Variants in VWA5B1 observed in about 807,000 individuals in gnomAD.
The protein encoded by VWA5B1 is von Willebrand factor A domain-containing protein 5B1.
VWA5B1 carries 115 observed loss-of-function variants against 118.2 expected under a neutral mutation model. The ratio of observed to expected loss-of-function variants is 0.97; its 90% confidence interval spans 0.84 to 1.14. VWA5B1 has a LOEUF of 1.14. Ranked by LOEUF, VWA5B1 falls within the 50% of genes most tolerant of loss-of-function variation. VWA5B1 has a pLI of 0.00. For missense variants in VWA5B1, 1,596 were observed against 1,603.8 expected (o/e 1.00, Z 0.08); for synonymous variants, 682 against 658.4 (o/e 1.04, Z -0.55).
rs772139908 is a variant in VWA5B1 at position 20,330,858 on chromosome 1, CTTT to C, written c.1458-10_1458-8del. 3.4e-5 allele frequency: 52 copies of C among 1,551,218 alleles called. No individual in the cohort carries two copies. In the African/African-American group the frequency reaches 6.2e-4, roughly 18 times the overall value. On this transcript the variant is annotated splice_polypyrimidine_tract_variant and splice_region_variant and intron_variant, in intron 10 of 21. Transcript: ENST00000289815. ...TAAGACATAGCAGCCTCTCTTCTCC[CTTT>C]CCGCCAGGTGCTATAGCTTTGGAAT... is the stretch of plus-strand genomic sequence containing the variant.
chr1:20,308,774 C>G (rs529527269), intron 1 of VWA5B1, among the ~76,000 whole-genome samples: 1 of 152,110 alleles, frequency 6.6e-6, no homozygotes, highest in Non-Finnish European at 1.5e-5. Context: ...GCTGGCCTGG[C>G]GGGGTGCCGG....
At position 20,314,578 on chromosome 1, in the gene VWA5B1, C is replaced by G; in HGVS notation, c.549C>G (p.Asn183Lys). The change falls in exon 4 of 22, where the codon AAC becomes AAG. Residue 183 changes from asparagine to lysine, a missense_variant. Coordinates refer to ENST00000289815, the MANE Select transcript of VWA5B1 (RefSeq NM_001039500.3). ...QFCTKSTGTS[N>K]QQAQGKDRHC... ...GCACCAAGAGCACTGGCACCTCCAACCAACAGGCCCAGGGGTAAGGAAGCC... is the reference window on the plus strand; with the variant it reads ...GCACCAAGAGCACTGGCACCTCCAAGCAACAGGCCCAGGGGTAAGGAAGCC... 1 of 1,551,442 alleles carries G rather than the reference C, an allele frequency of 6.4e-7. No individual in the cohort carries two copies. The highest frequency in any genetic ancestry group is 8.7e-7 in the Non-Finnish European group (1 of 1,146,968).
In VWA5B1 at chr1:20,354,313, G is replaced by A. The variant is rs1365310035; in HGVS notation, c.*50G>A. 6.7e-7 allele frequency: 1 copy of A among 1,490,604 alleles called. No homozygotes were observed. The highest frequency in any genetic ancestry group is 9.0e-7 in the Non-Finnish European group (1 of 1,112,776). The allele number at this position is 1,490,604 out of a possible 1,614,324, so 92.3% of individuals were successfully genotyped here. A position where few individuals can be genotyped will look rare whatever the true frequency, so the allele number is the denominator to read the frequency against. ...AGGGAAGGGTGGGGAGGAGAGGGAT[G>A]GGCAGGGCCATGTCGGCCTGGTTTC... On this transcript the variant is annotated 3_prime_UTR_variant, in exon 22 of 22. Coordinates refer to ENST00000289815, the MANE Select transcript of VWA5B1 (RefSeq NM_001039500.3).
rs182617737 is a variant in VWA5B1, at chr1:20,312,843, C to T, written c.147C>T (p.Phe49=). The change falls in exon 3 of 22, where the codon TTC becomes TTT. Residue 49 remains phenylalanine (F), a synonymous_variant. Transcript: ENST00000289815. ...TGGGCCCTGCTCCGACAGGCCTCTT[C>T]GTGTACCCCCTGGATGAGTGCACCA... ...NLEAQPFQGL[F]VYPLDECTTV... The T allele has an allele frequency of 3.4e-4, 523 of 1,549,332 alleles. 2 individuals are homozygous for T. In the East Asian group the frequency reaches 3.6e-3, roughly 11 times the overall value.
chr1:20,324,277 G>A (rs2089309500), intron 8 of VWA5B1, among the ~76,000 whole-genome samples: 1 of 152,208 alleles, frequency 6.6e-6, no homozygotes, highest in African/African-American at 2.4e-5. Context: ...ATACATGGGA[G>A]CTTGGTCTCC....
At chr1:20,350,647 C>A (rs753375612) in intron 19 of VWA5B1, among the ~76,000 whole-genome samples, 1 of 152,200 alleles carries the variant, frequency 6.6e-6, no homozygotes, top group Non-Finnish European at 1.5e-5. Context: ...GCCAAGGAAT[C>A]TTAGAGGCCA....
chr1:20,312,833 CA>C lies in VWA5B1; in HGVS notation c.140-2del, dbSNP rs1557836876. 3.2e-6 allele frequency: 5 copies of C among 1,547,976 alleles called. No individual in the cohort carries two copies. The highest frequency in any genetic ancestry group is 2.0e-5 in the Admixed American group (1 of 50,862). On this transcript the variant is annotated splice_acceptor_variant, in intron 2 of 21. Transcript: ENST00000289815. LOFTEE classifies it high-confidence loss of function. ...CCCGTGATGCTGGGCCCTGCTCCGA[CA>C]GGCCTCTTCGTGTACCCCCTGGATG...
chr1:20,343,333 G>C lies in VWA5B1; in HGVS notation c.2566G>C (p.Ala856Pro). ...LWSETFHHLA[A>P]RAIIRDFEQL... ...GAGCGAGACCTTCCACCACCTGGCGGCCCGCGCCATCATCCGCGACTTCGA... is the reference window on the plus strand; with the variant it reads ...GAGCGAGACCTTCCACCACCTGGCGCCCCGCGCCATCATCCGCGACTTCGA... The change falls in exon 16 of 22, where the codon GCC (alanine) becomes CCC (proline). Residue 856 changes from alanine (A) to proline (P), a missense_variant. By Grantham distance (27) the Ala-to-Pro change is conservative. Coordinates refer to ENST00000289815, the MANE Select transcript of VWA5B1 (RefSeq NM_001039500.3). 6.5e-7 allele frequency: 1 copy of C among 1,542,980 alleles called. No individual in the cohort carries two copies. Among genetic ancestry groups the C allele is most frequent in the Non-Finnish European group, 8.7e-7 (1 of 1,145,198 alleles).
rs1442139713 is a variant in VWA5B1, at chr1:20,350,142, C to T, written c.2879-14C>T. On this transcript the variant is annotated splice_polypyrimidine_tract_variant and intron_variant, in intron 18 of 21. Coordinates refer to ENST00000289815, the MANE Select transcript of VWA5B1 (RefSeq NM_001039500.3). ...GAGGGGAGAGGTCCAGCCTCACTGG[C>T]TCCTCTGTCCTAGACATGGAGGCAA... is the stretch of plus-strand genomic sequence containing the variant. 5 of 1,550,744 alleles carry T rather than the reference C, an allele frequency of 3.2e-6. No homozygotes were observed. Among genetic ancestry groups the T allele is most frequent in the Non-Finnish European group, 4.4e-6 (5 of 1,146,542 alleles).
chr1:20,353,556 G>A (rs1156895643), intron 21 of VWA5B1, among the ~76,000 whole-genome samples: 1 of 152,152 alleles, frequency 6.6e-6, no homozygotes, highest in Admixed American at 6.5e-5. Flanking sequence ...ATGGAGTGAA[G>A]ATGTTGACTT....
Position 20,358,033 on chromosome 1 carries a change from G to A in VWA5B1, c.*3770G>A, listed in dbSNP as rs150949743. Among the ~76,000 whole-genome samples the A allele has an allele frequency of 3.3e-4, 51 of 152,280 alleles. No individual in the cohort carries two copies. The highest frequency in any genetic ancestry group is 1.2e-3 in the African/African-American group (51 of 41,540). On this transcript the variant is annotated 3_prime_UTR_variant, in exon 22 of 22. Transcript: ENST00000289815. ...GCTCGAGACCAACTCCAGATGCCAG[G>A]ATAACTGGGCCCCATCCTTTGGCAG...
chr1:20,342,652 G>T, intron 15 of VWA5B1, 43 bp downstream of exon 15: 1 of 1,441,346 alleles, frequency 6.9e-7, no homozygotes, highest in South Asian at 1.5e-5. Flanking sequence ...GGACAGGGAG[G>T]AATCACTGGC....
intron 8 of VWA5B1, among the ~76,000 whole-genome samples, chr1:20,326,270 AG>A: frequency 6.6e-6 from 1 of 152,128 alleles, no homozygotes; most frequent in Middle Eastern, 3.4e-3. Flanking sequence ...GTGGTGTAAA[AG>A]GTGCCAGAAT....
At chr1:20,334,953 G>A (rs1423728058) in intron 12 of VWA5B1, among the ~76,000 whole-genome samples, 2 of 152,148 alleles carry the variant, frequency 1.3e-5, no homozygotes, top group East Asian at 1.9e-4. Context: ...AAAAATAAAT[G>A]GCCACAAACT....
In VWA5B1 at chr1:20,350,193, C is replaced by T. The variant is rs571901458; in HGVS notation, c.2916C>T (p.Ala972=). The change falls in exon 19 of 22, where the codon GCC becomes GCT. Residue 972 remains alanine, a synonymous_variant. Coordinates refer to ENST00000289815, the MANE Select transcript of VWA5B1 (RefSeq NM_001039500.3). ...GTCCCACTGCTCTCTTCAGCGAGGC[C>T]AGGTCCCCCGGCCGCGAGAAGCACG... The part of the protein sequence containing the change: ...EASPTALFSE[A]RSPGREKHGA... 3.9e-6 allele frequency: 6 copies of T among 1,551,194 alleles called. No individual in the cohort carries two copies. In the South Asian group the frequency reaches 7.1e-5, roughly 18 times the overall value.
At chr1:20,329,271 T>A (rs2089473644) in intron 9 of VWA5B1, among the ~76,000 whole-genome samples, 1 of 150,784 alleles carries the variant, frequency 6.6e-6, no homozygotes. Flanking sequence ...GCTTTTTTTT[T>A]TCTTTTTTCT....
Position 20,317,417 on chromosome 1 carries a change from C to A in VWA5B1, c.564-113C>A. On this transcript the variant is annotated intron_variant, in intron 4 of 21. Transcript: ENST00000289815. Reference sequence around the variant, plus strand: ...GAGTGGGAGAGCACGGGTCTGGGGGCCCCCTTGGTGGGCTGGGCTGCCTGG... The same window carrying A: ...GAGTGGGAGAGCACGGGTCTGGGGGACCCCTTGGTGGGCTGGGCTGCCTGG... 3 of 1,409,580 alleles carry A rather than the reference C, an allele frequency of 2.1e-6. No individual in the cohort carries two copies. In the East Asian group the frequency reaches 7.7e-5, roughly 36 times the overall value. The allele number at this position is 1,409,580 out of a possible 1,614,324, so 87.3% of individuals were successfully genotyped here.
intron 1 of VWA5B1, among the ~76,000 whole-genome samples, chr1:20,292,262 G>C (rs959620619): frequency 5.3e-5 from 8 of 151,050 alleles, no homozygotes; most frequent in Non-Finnish European, 7.4e-5. Context: ...CCCCTTCCCT[G>C]GGCTCACCTG....
At position 20,352,175 on chromosome 1, in the gene VWA5B1, G is replaced by T. The variant is rs1301162301; in HGVS notation, c.3141+3G>T. On this transcript the variant is annotated splice_donor_region_variant and intron_variant, in intron 21 of 21. Coordinates refer to ENST00000289815, the MANE Select transcript of VWA5B1 (RefSeq NM_001039500.3). ...AGAGCTTCGACTACATACCTCTGGT[G>T]AGTGCCCTGACCCCAGGTGTCAGTC... 5.2e-6 allele frequency: 8 copies of T among 1,549,146 alleles called. No homozygotes were observed. The highest frequency in any genetic ancestry group is 7.0e-6 in the Non-Finnish European group (8 of 1,145,646).
Sources: gnomAD v4.1 joint callset for allele counts (sites outside exome capture counted in the v4.1 genomes callset) on GRCh38, gnomAD v4.1.1 for gene constraint, MANE v1.5 for transcripts, NCBI Gene and HGNC (gene_info 2026-07-23, HGNC 2026-07-21) for gene names.